Variants in UROC1 observed in about 807,000 individuals in gnomAD.
The protein encoded by UROC1 is urocanate hydratase 1, also known as urocanate hydratase.
A neutral mutation model predicts 89.5 loss-of-function variants in UROC1; 79 were observed. The ratio of observed to expected loss-of-function variants is 0.88; its 90% CI spans 0.74 to 1.06. The LOEUF is 1.06. Ranked by LOEUF, UROC1 falls within the 50% of genes least tolerant of loss-of-function variation. UROC1 has a pLI of 0.00. For synonymous variants in UROC1, 361 were observed against 354.8 expected (o/e 1.02, Z -0.20); for missense variants, 885 against 907.8 (o/e 0.97, Z 0.32).
intron 15 of UROC1, among the ~76,000 whole-genome samples, chr3:126,493,546 TTA>T (rs1935704384): frequency 6.6e-6 from 1 of 152,132 alleles, no homozygotes; most frequent in Non-Finnish European, 1.5e-5. Context: ...CTGATCTCGC[TTA>T]TATGAGGTTG....
At chr3:126,511,668 T>C (rs908292692) in intron 1 of UROC1, among the ~76,000 whole-genome samples, 3 of 152,248 alleles carry the variant, frequency 2.0e-5, no homozygotes, top group Non-Finnish European at 4.4e-5. Flanking sequence ...TTGATGGAAA[T>C]GACTCGGCCA....
chr3:126,513,379 C>T (rs932310643), intron 1 of UROC1, among the ~76,000 whole-genome samples: 1 of 152,240 alleles, frequency 6.6e-6, no homozygotes, highest in Non-Finnish European at 1.5e-5. Flanking sequence ...CAGCTCTAGG[C>T]CGAGGATACG....
chr3:126,508,530 T>G, intron 3 of UROC1, 55 bp from the exon 4 acceptor site: 1 of 1,495,618 alleles, frequency 6.7e-7, no homozygotes, highest in Non-Finnish European at 9.3e-7. Context: ...CCTATGGAGT[T>G]GCAGACAGGG....
At position 126,496,079 on chromosome 3, in the gene UROC1, C is replaced by T. The variant is rs759882583; in HGVS notation, c.1468G>A (p.Asp490Asn). ...VKVSVKLQYM[D>N]NIRWIREAAR... is the part of the protein sequence containing the mutation. ...GCCTCCCGGATCCAGCGGATGTTGT[C>T]CATGTACTGCAGCTTCACAGACACC... The change falls in exon 15 of 20, where the codon GAC (aspartate) becomes AAC (asparagine). Residue 490 changes from aspartate to asparagine, a missense_variant. Coordinates refer to ENST00000290868, the MANE Select transcript of UROC1 (RefSeq NM_144639.3). The T allele has an allele frequency of 8.8e-5, 142 of 1,613,314 alleles. No individual in the cohort carries two copies. The South Asian group carries it at 1.3e-3, about 15-fold the overall frequency.
intron 17 of UROC1, among the ~76,000 whole-genome samples, chr3:126,488,586 C>T (rs1337086414): frequency 6.6e-6 from 1 of 152,210 alleles, no homozygotes; most frequent in Non-Finnish European, 1.5e-5. Context: ...AGTGTTAGTT[C>T]AGAGAAGTAG....
chr3:126,510,713 G>A lies in UROC1; in HGVS notation c.208C>T (p.Leu70=). The change falls in exon 2 of 20, where the codon CTG becomes TTG. Residue 70 remains leucine (L), a synonymous_variant. Coordinates refer to ENST00000290868, the MANE Select transcript of UROC1 (RefSeq NM_144639.3). ...CGGTACATGTAGATGTGTCCGTACAGTTGCAGCTCCTGGGCAAACTCTGGG... is the reference window on the plus strand; with the variant it reads ...CGGTACATGTAGATGTGTCCGTACAATTGCAGCTCCTGGGCAAACTCTGGG... ...LAPEFAQELQ[L]YGHIYMYRFC... The A allele has an allele frequency of 6.2e-7, 1 of 1,614,196 alleles. No individual in the cohort carries two copies. The highest frequency in any genetic ancestry group is 8.5e-7 in the Non-Finnish European group (1 of 1,180,046).
intron 18 of UROC1, among the ~76,000 whole-genome samples, chr3:126,485,691 AGTAG>A (rs2107532532): frequency 6.7e-6 from 1 of 149,930 alleles, no homozygotes; most frequent in East Asian, 2.0e-4. Context: ...TAGCCTTCTG[AGTAG>A]ATGGGACTAT....
chr3:126,508,612 C>A, intron 3 of UROC1, 137 bp from the exon 4 acceptor site: 1 of 689,008 alleles, frequency 1.5e-6, no homozygotes, highest in Non-Finnish European at 2.6e-6. Flanking sequence ...GGCCCAGGGA[C>A]GGACACATCT....
intron 8 of UROC1, 51 bp from the exon 9 acceptor site, chr3:126,504,134 A>G: frequency 6.3e-7 from 1 of 1,590,624 alleles, no homozygotes; most frequent in East Asian, 2.2e-5. Flanking sequence ...CCGGTTACAA[A>G]TCTTCCCTAA....
intron 12 of UROC1, among the ~76,000 whole-genome samples, 169 bp downstream of exon 12, chr3:126,499,888 C>T (rs1200049630): frequency 6.6e-6 from 1 of 152,202 alleles, no homozygotes; most frequent in East Asian, 1.9e-4. Context: ...AGCCACCTGG[C>T]TGGGCCTCAG....
intron 15 of UROC1, among the ~76,000 whole-genome samples, chr3:126,495,441 G>A (rs1935754373): frequency 6.6e-6 from 1 of 152,148 alleles, no homozygotes; most frequent in Non-Finnish European, 1.5e-5. Flanking sequence ...TTAGCATGGT[G>A]TCCTCCAGGT....
intron 14 of UROC1, among the ~76,000 whole-genome samples, chr3:126,496,853 G>T (rs184922427): frequency 1.3e-5 from 2 of 152,326 alleles, no homozygotes; most frequent in African/African-American, 4.8e-5. Context: ...CTGCCTGGTG[G>T]AGATGCCGCA....
At chr3:126,514,960 C>T (rs907383894) in intron 1 of UROC1, among the ~76,000 whole-genome samples, 84 of 151,954 alleles carry the variant, frequency 5.5e-4, no homozygotes, top group African/African-American at 1.9e-3. Context: ...TAAAGATCAA[C>T]GAAACACATT....
intron 16 of UROC1, among the ~76,000 whole-genome samples, chr3:126,491,951 T>A (rs2107536370): frequency 6.6e-6 from 1 of 152,218 alleles, no homozygotes; most frequent in South Asian, 2.1e-4. Flanking sequence ...GGAACAATGA[T>A]GGGGCCTGAC....
rs556450823 is a variant in UROC1 at position 126,509,646 on chromosome 3, G to A, written c.290C>T (p.Thr97Met). 164 of 1,552,226 alleles carry A rather than the reference G, an allele frequency of 1.1e-4. No homozygotes were observed. The highest frequency in any genetic ancestry group is 5.0e-4 in the Middle Eastern group (3 of 5,988). ...AYPIEQYPCQ[T>M]KVAAAIMHMI... is the part of the protein sequence containing the mutation. ...GTGCATGATGGCGGCAGCCACTTTC[G>A]TCTGGCAGGGGTACTGCTCAATCGG... is the stretch of plus-strand genomic sequence containing the variant. The change falls in exon 3 of 20, where the codon ACG (threonine) becomes ATG (methionine). Residue 97 changes from threonine (T) to methionine (M), a missense_variant. Coordinates refer to ENST00000290868, the MANE Select transcript of UROC1 (RefSeq NM_144639.3).
At chr3:126,483,700 C>T (rs1371163428) in intron 18 of UROC1, among the ~76,000 whole-genome samples, 2 of 152,226 alleles carry the variant, frequency 1.3e-5, no homozygotes, top group East Asian at 1.9e-4. Context: ...CTGGGCCTGT[C>T]GGCCTCGTGC....
intron 10 of UROC1, 34 bp from the exon 11 acceptor site, chr3:126,500,908 C>T (rs763524405): frequency 1.3e-6 from 2 of 1,595,188 alleles, no homozygotes; most frequent in African/African-American, 2.7e-5. Context: ...GTGCAAGCCA[C>T]ACACAGCCTG....
chr3:126,495,328 C>A (rs1935752385), intron 15 of UROC1, among the ~76,000 whole-genome samples: 2 of 152,236 alleles, frequency 1.3e-5, no homozygotes. Flanking sequence ...CAGCCCCTGG[C>A]ACCCACCATT....
intron 1 of UROC1, 27 bp downstream of exon 1, chr3:126,517,567 C>T (rs369886850): frequency 1.9e-6 from 3 of 1,612,248 alleles, no homozygotes; most frequent in Non-Finnish European, 2.5e-6. Flanking sequence ...GAGGCCAAGG[C>T]CTCGGGAGCA....
Sources: gnomAD v4.1 joint callset for allele counts (sites outside exome capture counted in the v4.1 genomes callset) on GRCh38, gnomAD v4.1.1 for gene constraint, MANE v1.5 for transcripts, NCBI Gene and HGNC (gene_info 2026-07-23, HGNC 2026-07-21) for gene names.